Variants in CALCR observed in about 807,000 individuals in gnomAD.
CALCR encodes calcitonin receptor.
Under a neutral mutation model 59.5 loss-of-function variants are expected in CALCR, and 47 were observed. The ratio of observed to expected loss-of-function variants is 0.79; its 90% confidence interval spans 0.63 to 1.01. The LOEUF (loss-of-function observed/expected upper bound fraction) is 1.01. Among genes scored for constraint, CALCR ranks in the 50% least tolerant of loss-of-function variants. The pLI is 0.00. For synonymous variants in CALCR, 213 were observed against 211.3 expected, an observed-to-expected ratio of 1.01 and a Z score of -0.07; for missense variants, 566 against 597.1, an observed-to-expected ratio of 0.95 and a Z score of 0.54.
chr7:93,441,516 G>A (rs762940642), intron 9 of CALCR: 21 of 455,110 alleles, frequency 4.6e-5, no homozygotes, highest in Admixed American at 2.4e-5. Context: ...GAAGGCCAGG[G>A]AAAGGAAAGA....
At chr7:93,489,454 CA>C (rs1332303056) in intron 2 of CALCR, among the ~76,000 whole-genome samples, 1 of 150,830 alleles carries the variant, frequency 6.6e-6, no homozygotes, top group African/African-American at 2.4e-5. Context: ...AAAAACCCTC[CA>C]AAAAAATCAA....
intron 3 of CALCR, 65 bp from the exon 4 acceptor site, chr7:93,479,572 A>G (rs906381155): frequency 7.0e-7 from 1 of 1,436,092 alleles, no homozygotes; most frequent in Non-Finnish European, 9.5e-7. Flanking sequence ...AATAAATGAG[A>G]CAATGAAAAA....
At chr7:93,516,637 T>G (rs1201259620) in intron 2 of CALCR, among the ~76,000 whole-genome samples, 1 of 151,802 alleles carries the variant, frequency 6.6e-6, no homozygotes, top group African/African-American at 2.4e-5. Flanking sequence ...CTTCAAAGAA[T>G]AAATACATGC....
intron 7 of CALCR, among the ~76,000 whole-genome samples, chr7:93,461,321 C>T (rs1800331734): frequency 6.6e-6 from 1 of 152,126 alleles, no homozygotes; most frequent in South Asian, 2.1e-4. Flanking sequence ...TTCATTGTTG[C>T]AACCAGGAAG....
chr7:93,426,078 T>G lies in CALCR; in HGVS notation c.*278A>C. 3.1e-6 allele frequency: 1 copy of G among 324,446 alleles called. No individual in the cohort carries two copies. The highest frequency in any genetic ancestry group is 5.6e-6 in the Non-Finnish European group (1 of 179,656). 20.1% of individuals were successfully genotyped at this position (324,446 alleles called of 1,614,324 possible). A position where few individuals can be genotyped will look rare whatever the true frequency, so the allele number is the denominator to read the frequency against. ...TGAACTAGGTCAATTTCATTGTTTT[T>G]CTTTGATACTTTGCTTGCATTACTG... On this transcript the variant is annotated 3_prime_UTR_variant, in exon 14 of 14. Coordinates refer to ENST00000426151, the MANE Select transcript of CALCR (RefSeq NM_001742.4).
At chr7:93,438,451 T>G (rs1799830800) in intron 9 of CALCR, among the ~76,000 whole-genome samples, 181 bp from the exon 10 acceptor site, 1 of 152,226 alleles carries the variant, frequency 6.6e-6, no homozygotes, top group South Asian at 2.1e-4. Flanking sequence ...TGCTCCCAGT[T>G]AGAACATCAT....
intron 3 of CALCR, among the ~76,000 whole-genome samples, chr7:93,485,769 G>A (rs1482063891): frequency 6.6e-6 from 1 of 151,238 alleles, no homozygotes; most frequent in Non-Finnish European, 1.5e-5. Context: ...ATTACTTTTA[G>A]AAAATTTTAC....
chr7:93,534,841 T>TATAG (rs1482764183), intron 2 of CALCR, among the ~76,000 whole-genome samples: 4 of 151,736 alleles, frequency 2.6e-5, no homozygotes, highest in Non-Finnish European at 4.4e-5. Flanking sequence ...TTTAGAAATA[T>TATAG]ATAGATAATC....
chr7:93,477,961 CAAAAAAAAAAAAAAA>C (rs71107894), intron 4 of CALCR, among the ~76,000 whole-genome samples: 9 of 54,380 alleles, frequency 1.7e-4, no homozygotes, highest in African/African-American at 2.1e-4. Flanking sequence ...GACCCTCTCT[CAAAAAAAAAAAAAAA>C]AAAAAAAAAA....
At chr7:93,440,408 C>T (rs1440258522) in intron 9 of CALCR, among the ~76,000 whole-genome samples, 1 of 151,980 alleles carries the variant, frequency 6.6e-6, no homozygotes, top group African/African-American at 2.4e-5. Context: ...TTCCTCCCAT[C>T]CAAAGATAAT....
At chr7:93,572,104 A>G (rs1473416914) in intron 2 of CALCR, among the ~76,000 whole-genome samples, 1 of 152,204 alleles carries the variant, frequency 6.6e-6, no homozygotes, top group East Asian at 1.9e-4. Flanking sequence ...TTCTGGATAA[A>G]AAATGTTTTT....
intron 4 of CALCR, among the ~76,000 whole-genome samples, chr7:93,478,604 C>T (rs1354856078): frequency 6.7e-6 from 1 of 148,886 alleles, no homozygotes; most frequent in African/African-American, 2.5e-5. Context: ...GTGGGAGGAT[C>T]GTCCTGGGCG....
chr7:93,431,211 A>C (rs1355671950), intron 13 of CALCR, among the ~76,000 whole-genome samples: 1 of 152,218 alleles, frequency 6.6e-6, no homozygotes, highest in African/African-American at 2.4e-5. Context: ...AAATGGGCAG[A>C]AGAAATCAAG....
At chr7:93,433,669 G>A (rs905664517) in intron 13 of CALCR, among the ~76,000 whole-genome samples, 33 of 152,292 alleles carry the variant, frequency 2.2e-4, no homozygotes, top group African/African-American at 7.7e-4. Context: ...TTGGCTCCCA[G>A]GCAAGATTTG....
intron 2 of CALCR, among the ~76,000 whole-genome samples, chr7:93,506,343 A>G (rs1447025158): frequency 2.0e-5 from 3 of 152,110 alleles, no homozygotes; most frequent in Admixed American, 6.6e-5. Flanking sequence ...TTTATTAAAG[A>G]CCAATTTCAT....
At chr7:93,463,723 A>G (rs1028041566) in intron 7 of CALCR, among the ~76,000 whole-genome samples, 14 of 152,014 alleles carry the variant, frequency 9.2e-5, no homozygotes, top group Non-Finnish European at 2.1e-4. Context: ...ATTAATTGAA[A>G]TTAACATTAA....
intron 2 of CALCR, among the ~76,000 whole-genome samples, chr7:93,546,073 T>A (rs1363313170): frequency 6.6e-6 from 1 of 152,148 alleles, no homozygotes; most frequent in East Asian, 1.9e-4. Context: ...CTAAGAAATT[T>A]TTTTACCATA....
intron 2 of CALCR, among the ~76,000 whole-genome samples, chr7:93,490,559 C>A (rs547562301): frequency 6.6e-6 from 1 of 151,910 alleles, no homozygotes; most frequent in East Asian, 1.9e-4. Context: ...TCAGCAAAGT[C>A]GCAGGATAAA....
rs551330282 is a variant in CALCR, at chr7:93,424,951, A to C, written c.*1405T>G. On this transcript the variant is annotated 3_prime_UTR_variant, in exon 14 of 14. Transcript: ENST00000426151. ...TCAATTTATTATCTTTCCACAACTA[A>C]ATCACTTCTGAAAGGCAGTGGCAAA... The C allele has an allele frequency of 6.5e-6, 1 of 152,704 alleles. No individual in the cohort carries two copies. The highest frequency in any genetic ancestry group is 2.4e-5 in the African/African-American group (1 of 41,570). The allele number at this position is 152,704 out of a possible 1,614,324, so 9.5% of individuals were successfully genotyped here. A position where few individuals can be genotyped will look rare whatever the true frequency, so the allele number is the denominator to read the frequency against.
Sources: allele counts gnomAD v4.1 joint callset (sites outside exome capture counted in the v4.1 genomes callset), GRCh38; gene constraint gnomAD v4.1.1; transcripts MANE v1.5; gene names NCBI Gene and HGNC (gene_info 2026-07-23, HGNC 2026-07-21).